The following COX17 variants were observed in gnomAD, a reference collection of about 807,000 sequenced individuals.
COX17 encodes cytochrome c oxidase copper chaperone.
In COX17, 1 loss-of-function variant was observed where a neutral mutation model predicts 6.3. That is an observed-to-expected ratio of 0.16 (90% confidence interval 0.06 to 0.75). COX17 has a LOEUF of 0.75. Ranked by LOEUF, COX17 falls within the 30% of genes least tolerant of loss-of-function variation. The pLI is 0.77. For synonymous variants in COX17, 26 were observed against 30.5 expected (o/e 0.85, Z 0.49); for missense variants, 73 against 81.2 (o/e 0.90, Z 0.39).
At chr3:119,664,580 AGGCAGGCGG>A (rs2052976814), downstream of COX17, among the ~76,000 whole-genome samples, 2 of 152,214 alleles carry the variant, frequency 1.3e-5, no homozygotes, top group South Asian at 4.1e-4. Context: ...GAGGCAGGCG[AGGCAGGCGG>A]GGGCCATCTT....
downstream of COX17, chr3:119,666,905 G>A (rs1205394882): frequency 3.3e-5 from 5 of 152,224 alleles, no homozygotes; most frequent in East Asian, 3.9e-4. Flanking sequence ...AAAGAACACC[G>A]GGCTTCAACT....
rs11558038 is a variant in COX17 at position 119,677,307 on chromosome 3, G to T, written c.4C>A (p.Pro2Thr). The T allele has an allele frequency of 7.4e-6, 12 of 1,610,740 alleles. No individual in the cohort carries two copies. In the African/African-American group the frequency reaches 1.5e-4, roughly 20 times the overall value. Residue 2 changes from proline (P) to threonine (T), a missense_variant, in exon 1 of 3, where the codon CCG becomes ACG. Pro to Thr is a conservative substitution (Grantham distance 38). Transcript: ENST00000261070. M[P>T]GLVDSNPAPP... ...GCAGGGTTTGAGTCAACCAGACCCG[G>T]CATCTTTCGCGCCAAAAGCAGCTAT...
rs114266275 is a variant in COX17, at chr3:119,675,875, G to A, written c.108-642C>T. 1.5e-3 allele frequency among the ~76,000 whole-genome samples: 225 copies of A among 152,324 alleles called. 1 individual carries two copies. The highest frequency in any genetic ancestry group is 5.1e-3 in the African/African-American group (213 of 41,560). The stretch of plus-strand genomic sequence containing the variant: ...CTATGGATATTTGGGGAGAACCCAC[G>A]TGGTCTGAGGCAATCGAGGCAAAGG... On this transcript the variant is annotated intron_variant, in intron 1 of 2. Coordinates refer to ENST00000261070, the MANE Select transcript of COX17 (RefSeq NM_005694.2).
downstream of COX17, among the ~76,000 whole-genome samples, chr3:119,665,493 G>C (rs2052985862): frequency 6.6e-6 from 1 of 152,120 alleles, no homozygotes; most frequent in Non-Finnish European, 1.5e-5. Context: ...TCTCACCCCA[G>C]CCTCCCAAGT....
At chr3:119,671,918 C>G (rs1330794102) in intron 2 of COX17, among the ~76,000 whole-genome samples, 2 of 152,140 alleles carry the variant, frequency 1.3e-5, no homozygotes, top group African/African-American at 4.8e-5. Flanking sequence ...ACACCCAGTC[C>G]TCTTCCCAAA....
rs77334876 is a variant in COX17 at position 119,670,372 on chromosome 3, G to C, written c.*5-707C>G. On this transcript the variant is annotated intron_variant, in intron 2 of 2. Transcript: ENST00000261070. ...CTTCATTTAGCTGTTCACTTCATTT[G>C]GTTTAAATAAAGATAAACCACATCA... Among the ~76,000 whole-genome samples, 1,519 of 152,100 alleles carry C rather than the reference G, an allele frequency of 1.0e-2. 24 individuals are homozygous for C. The highest frequency in any genetic ancestry group is 0.034 in the African/African-American group (1,412 of 41,498).
chr3:119,673,346 G>A (rs1408401977), intron 2 of COX17, among the ~76,000 whole-genome samples: 1 of 152,184 alleles, frequency 6.6e-6, no homozygotes, highest in African/African-American at 2.4e-5. Flanking sequence ...TACTTTCTCA[G>A]AGCTTACATT....
intron 2 of COX17, among the ~76,000 whole-genome samples, chr3:119,670,755 TG>T (rs2053035661): frequency 1.8e-4 from 1 of 5,652 alleles, no homozygotes; most frequent in Non-Finnish European, 9.2e-4. Flanking sequence ...ATCAGTTTTG[TG>T]TGTGTGTGTG....
chr3:119,666,067 TTCC>T (rs1186047048), downstream of COX17, among the ~76,000 whole-genome samples: 1 of 152,230 alleles, frequency 6.6e-6, no homozygotes, highest in African/African-American at 2.4e-5. Context: ...CATTTACCTC[TTCC>T]TCAATTGTGA....
At chr3:119,669,961 A>G (rs557616566) in intron 2 of COX17, among the ~76,000 whole-genome samples, 2 of 152,290 alleles carry the variant, frequency 1.3e-5, no homozygotes, top group South Asian at 4.1e-4. Flanking sequence ...TGAGAAATAC[A>G]TATTTCTCAA....
downstream of COX17, among the ~76,000 whole-genome samples, chr3:119,665,521 G>A (rs1158760426): frequency 6.6e-6 from 1 of 152,132 alleles, no homozygotes; most frequent in Non-Finnish European, 1.5e-5. Context: ...CTACAGGCAT[G>A]TACCACCATG....
chr3:119,677,314 T>A lies in COX17; in HGVS notation c.-4A>T. On this transcript the variant is annotated 5_prime_UTR_variant, in exon 1 of 3. Transcript: ENST00000261070. ...TTGAGTCAACCAGACCCGGCATCTTTCGCGCCAAAAGCAGCTATGAGCGGA... is the reference window on the plus strand; with the variant it reads ...TTGAGTCAACCAGACCCGGCATCTTACGCGCCAAAAGCAGCTATGAGCGGA... 1.2e-6 allele frequency: 2 copies of A among 1,610,718 alleles called. No individual in the cohort carries two copies. The highest frequency in any genetic ancestry group is 1.7e-6 in the Non-Finnish European group (2 of 1,179,308).
rs367671485 is a variant in COX17 at position 119,677,063 on chromosome 3, G to C, written c.107+141C>G. The C allele has an allele frequency of 5.7e-3, 3,931 of 690,570 alleles. 112 individuals carry two copies. The highest frequency in any genetic ancestry group is 0.053 in the African/African-American group (2,913 of 55,168). 42.8% of individuals were successfully genotyped at this position (690,570 alleles called of 1,614,324 possible). On this transcript the variant is annotated intron_variant, in intron 1 of 2. Transcript: ENST00000261070. ...GACAGGGAGGAGGAGTGGGGGAAGG[G>C]GGGAAGGAAGAGGGCAGAGGGCAGA...
intron 1 of COX17, 119 bp from the exon 2 acceptor site, chr3:119,675,352 C>T: frequency 1.4e-6 from 1 of 690,872 alleles, no homozygotes; most frequent in Non-Finnish European, 2.5e-6. Context: ...GGAATTAAAA[C>T]AAACGCTATT....
At chr3:119,676,918 T>C (rs1327325698) in intron 1 of COX17, 1 of 700,794 alleles carries the variant, frequency 1.4e-6, no homozygotes, top group East Asian at 2.7e-5. Context: ...CTCCATCGTT[T>C]CCCGGTACTA....
chr3:119,674,898 C>A, intron 2 of COX17: 1 of 419,162 alleles, frequency 2.4e-6, no homozygotes, highest in African/African-American at 2.0e-5. Flanking sequence ...TTTCCTAAAG[C>A]CATGGGACCT....
chr3:119,667,578 A>T (rs2107831171), downstream of COX17, among the ~76,000 whole-genome samples: 1 of 152,180 alleles, frequency 6.6e-6, no homozygotes, highest in Admixed American at 6.5e-5. Context: ...CCTCTGGCCC[A>T]TCCTTAGCTG....
intron 2 of COX17, 141 bp downstream of exon 2, chr3:119,675,004 T>C (rs538412233): frequency 2.7e-5 from 17 of 624,896 alleles, no homozygotes; most frequent in Non-Finnish European, 4.0e-5. Flanking sequence ...CTCCCTTCAT[T>C]GGGAACTGAA....
chr3:119,677,122 GAGGCCGT>G (rs778117192), intron 1 of COX17, 75 bp downstream of exon 1: 2 of 1,006,098 alleles, frequency 2.0e-6, no homozygotes, highest in Non-Finnish European at 3.0e-6. Context: ...GCAGAGGGCA[GAGGCCGT>G]AGGGCAGAGG....
Sources: gnomAD v4.1 joint callset for allele counts (sites outside exome capture counted in the v4.1 genomes callset) on GRCh38, gnomAD v4.1.1 for gene constraint, MANE v1.5 for transcripts, NCBI Gene and HGNC (gene_info 2026-07-23, HGNC 2026-07-21) for gene names.